MAP3K5: variants seen among roughly 807,000 people sequenced by gnomAD.
MAP3K5 encodes mitogen-activated protein kinase kinase kinase 5.
In MAP3K5, 56 loss-of-function variants were observed where a neutral mutation model predicts 158.7. The ratio of observed to expected loss-of-function variants is 0.35; its 90% CI spans 0.28 to 0.44. MAP3K5 has a LOEUF of 0.44. MAP3K5 is among the 20% of genes least tolerant of loss of function. The pLI, the probability that MAP3K5 is intolerant of heterozygous loss-of-function variation, is 1.00. For synonymous variants in MAP3K5, 579 were observed against 601.7 expected (o/e 0.96, Z 0.55); for missense variants, 1,294 against 1,674.8 (o/e 0.77, Z 3.97).
intron 7 of MAP3K5, among the ~76,000 whole-genome samples, chr6:136,680,351 T>C (rs1352007406): frequency 6.6e-5 from 10 of 152,206 alleles, no homozygotes. Flanking sequence ...GTTATATATA[T>C]TTTACCACCA....
intron 18 of MAP3K5, among the ~76,000 whole-genome samples, chr6:136,606,647 T>C (rs559218911): frequency 3.3e-5 from 5 of 152,220 alleles, no homozygotes; most frequent in Non-Finnish European, 7.3e-5. Context: ...GCTTCTGATA[T>C]ACAAATAATA....
rs775054675 is a variant in MAP3K5 at position 136,650,994 on chromosome 6, G to C, written c.1778C>G (p.Pro593Arg). The C allele has an allele frequency of 8.0e-5, 128 of 1,606,706 alleles. No homozygotes were observed. Among genetic ancestry groups the C allele is most frequent in the Non-Finnish European group, 1.1e-4 (126 of 1,174,386 alleles). ...AACTGCACAATTTACCTTGTCATCA[G>C]GAAGCACGTGCCAAATAGAGATTGT... ...EKTISIWHVL[P>R]DDKKGIHEWN... The change falls in exon 11 of 30, where the codon CCT (proline) becomes CGT (arginine). Residue 593 changes from proline (P) to arginine (R), a missense_variant. Around this residue, in one of 5 missense-constraint regions of MAP3K5, gnomAD observed 690 missense variants for 870.5 expected, o/e 0.79. Transcript: ENST00000359015.
At chr6:136,586,206 T>C (rs559200375) in intron 23 of MAP3K5, among the ~76,000 whole-genome samples, 1 of 152,324 alleles carries the variant, frequency 6.6e-6, no homozygotes, top group African/African-American at 2.4e-5. Flanking sequence ...AAGGTAAAGA[T>C]TCACAGGCAA....
intron 8 of MAP3K5, among the ~76,000 whole-genome samples, chr6:136,666,204 C>T (rs542197627): frequency 5.9e-5 from 9 of 152,258 alleles, no homozygotes; most frequent in Middle Eastern, 3.4e-3. Flanking sequence ...AAACACAGAT[C>T]CATGAAGCAA....
intron 28 of MAP3K5, among the ~76,000 whole-genome samples, chr6:136,560,765 T>C (rs920407801): frequency 2.6e-5 from 4 of 151,522 alleles, no homozygotes; most frequent in African/African-American, 9.7e-5. Flanking sequence ...CTGGGCAACA[T>C]AGCGAGACCC....
At chr6:136,783,678 A>G (rs1461746689) in intron 1 of MAP3K5, among the ~76,000 whole-genome samples, 1 of 152,142 alleles carries the variant, frequency 6.6e-6, no homozygotes, top group Admixed American at 6.5e-5. Context: ...CAGAAAGGGG[A>G]GCGTGTGATA....
chr6:136,754,903 G>A lies in MAP3K5; in HGVS notation c.449-34314C>T, dbSNP rs150138003. 2.8e-3 allele frequency among the ~76,000 whole-genome samples: 420 copies of A among 152,194 alleles called. 2 individuals are homozygous for A. In the Middle Eastern group the frequency reaches 0.031, roughly 11 times the overall value. ...AGATCTCGATGCTTCAGATGTTGGG[G>A]AAACCATTATTCTATTCACGCAGTT... is the stretch of plus-strand genomic sequence containing the variant. On this transcript the variant is annotated intron_variant, in intron 1 of 29. Coordinates refer to ENST00000359015, the MANE Select transcript of MAP3K5 (RefSeq NM_005923.4).
chr6:136,723,402 G>A (rs1470815566), intron 1 of MAP3K5, among the ~76,000 whole-genome samples: 2 of 151,896 alleles, frequency 1.3e-5, no homozygotes, highest in African/African-American at 4.8e-5. Context: ...TATAATGAGT[G>A]CATTATGATG....
chr6:136,579,825 T>A (rs1189099377), intron 25 of MAP3K5: 1 of 456,664 alleles, frequency 2.2e-6, no homozygotes. Context: ...AAAATCAGAT[T>A]CCTGGGCTTT....
At chr6:136,697,159 T>G in intron 5 of MAP3K5, 60 bp downstream of exon 5, 3 of 1,449,338 alleles carry the variant, frequency 2.1e-6, no homozygotes, top group Non-Finnish European at 2.8e-6. Flanking sequence ...TTGAGGTTAA[T>G]ACTCCCTTAT....
At chr6:136,729,758 T>A (rs6570091) in intron 1 of MAP3K5, among the ~76,000 whole-genome samples, 1 of 152,016 alleles carries the variant, frequency 6.6e-6, no homozygotes, top group Non-Finnish European at 1.5e-5. Context: ...AATCTGTAGA[T>A]GGATGATAGA....
chr6:136,786,526 C>G (rs1406837247), intron 1 of MAP3K5, among the ~76,000 whole-genome samples: 2 of 152,108 alleles, frequency 1.3e-5, no homozygotes, highest in Non-Finnish European at 2.9e-5. Context: ...GTATTGTCAG[C>G]TTGGCTTTGC....
intron 1 of MAP3K5, among the ~76,000 whole-genome samples, chr6:136,722,171 T>C (rs909181242): frequency 6.6e-6 from 1 of 152,232 alleles, no homozygotes; most frequent in Non-Finnish European, 1.5e-5. Flanking sequence ...GCTGAATAGC[T>C]ATTAGAAGTA....
chr6:136,653,935 T>C (rs937550355), intron 10 of MAP3K5, among the ~76,000 whole-genome samples: 2 of 152,122 alleles, frequency 1.3e-5, no homozygotes, highest in African/African-American at 2.4e-5. Context: ...AATTCTGATG[T>C]AGGAGTAGTA....
At chr6:136,595,485 T>G (rs929561427) in intron 21 of MAP3K5, among the ~76,000 whole-genome samples, 1 of 152,162 alleles carries the variant, frequency 6.6e-6, no homozygotes. Flanking sequence ...TCATCCAACA[T>G]ACAGTTGTGG....
chr6:136,587,453 T>C (rs1775187747), intron 23 of MAP3K5, among the ~76,000 whole-genome samples: 1 of 152,240 alleles, frequency 6.6e-6, no homozygotes, highest in Non-Finnish European at 1.5e-5. Flanking sequence ...TAGACTCCTC[T>C]ATCATAGATG....
intron 14 of MAP3K5, among the ~76,000 whole-genome samples, chr6:136,630,083 C>G (rs1169114242): frequency 6.6e-6 from 1 of 152,116 alleles, no homozygotes; most frequent in African/African-American, 2.4e-5. Flanking sequence ...CTTCCCAGGC[C>G]TTCCTATCTA....
intron 1 of MAP3K5, among the ~76,000 whole-genome samples, chr6:136,723,982 C>T (rs906018750): frequency 6.6e-6 from 1 of 152,146 alleles, no homozygotes; most frequent in Non-Finnish European, 1.5e-5. Context: ...CCTCCTGCAC[C>T]CACACAGCTT....
chr6:136,667,824 C>T (rs1779294134), intron 8 of MAP3K5, among the ~76,000 whole-genome samples: 1 of 151,302 alleles, frequency 6.6e-6, no homozygotes, highest in Non-Finnish European at 1.5e-5. Flanking sequence ...GTGCCCTGAG[C>T]AGCAGAGTGA....
Sources: allele counts gnomAD v4.1 joint callset (sites outside exome capture counted in the v4.1 genomes callset), GRCh38; gene constraint gnomAD v4.1.1; regional missense constraint gnomAD v4.1.1; transcripts MANE v1.5; gene names NCBI Gene and HGNC (gene_info 2026-07-23, HGNC 2026-07-21).